The following PHLPP1 variants were observed in gnomAD, a reference collection of about 807,000 sequenced individuals.
PHLPP1 encodes PH domain and leucine rich repeat protein phosphatase 1.
In PHLPP1, 42 loss-of-function variants were observed where a neutral mutation model predicts 117.2. The ratio of observed to expected loss-of-function variants is 0.36; its 90% CI spans 0.28 to 0.46. PHLPP1 has a LOEUF of 0.46. Ranked by LOEUF, PHLPP1 falls within the 20% of genes least tolerant of loss-of-function variation. The probability of loss-of-function intolerance (pLI) is 1.00; values close to 1 mark genes in which losing one functional copy is unlikely to be tolerated. For synonymous variants in PHLPP1, 1,042 were observed against 970.7 expected (o/e 1.07, Z -1.37); for missense variants, 2,084 against 2,241.9 (o/e 0.93, Z 1.42).
intron 1 of PHLPP1, among the ~76,000 whole-genome samples, chr18:62,801,604 C>T (rs985371037): frequency 6.6e-6 from 1 of 151,920 alleles, no homozygotes; most frequent in African/African-American, 2.4e-5. Flanking sequence ...AGGCATGCAC[C>T]ACCATGCCCG....
At chr18:62,764,986 C>G (rs1267952878) in intron 1 of PHLPP1, among the ~76,000 whole-genome samples, 1 of 152,208 alleles carries the variant, frequency 6.6e-6, no homozygotes, top group African/African-American at 2.4e-5. Flanking sequence ...TAGTTTCTCT[C>G]CCACTTGTCT....
chr18:62,829,627 CTG>C (rs1914701131), intron 1 of PHLPP1, among the ~76,000 whole-genome samples: 1 of 152,244 alleles, frequency 6.6e-6, no homozygotes, highest in East Asian at 1.9e-4. Flanking sequence ...TGGCCGGCAC[CTG>C]TAGTCCCAGC....
chr18:62,729,453 T>G (rs1416482169), intron 1 of PHLPP1, among the ~76,000 whole-genome samples: 1 of 152,118 alleles, frequency 6.6e-6, no homozygotes, highest in Non-Finnish European at 1.5e-5. Flanking sequence ...TCCCAGCACT[T>G]TGGGAGGCTG....
At chr18:62,856,447 A>G (rs1209740341) in intron 3 of PHLPP1, among the ~76,000 whole-genome samples, 1 of 152,054 alleles carries the variant, frequency 6.6e-6, no homozygotes, top group African/African-American at 2.4e-5. Flanking sequence ...TACAAATTTG[A>G]GACAGGGTCT....
intron 6 of PHLPP1, among the ~76,000 whole-genome samples, chr18:62,898,013 C>CT (rs780784875): frequency 1.5e-5 from 1 of 68,092 alleles, no homozygotes; most frequent in Non-Finnish European, 4.4e-5. Flanking sequence ...AATTCCTCCT[C>CT]CCTTCTCCTC....
At chr18:62,879,762 C>T (rs897980659) in intron 4 of PHLPP1, among the ~76,000 whole-genome samples, 4 of 152,138 alleles carry the variant, frequency 2.6e-5, no homozygotes, top group African/African-American at 9.7e-5. Context: ...ACACAGATGC[C>T]TGTTTTTCAT....
At chr18:62,877,835 T>G (rs906465623) in intron 4 of PHLPP1, among the ~76,000 whole-genome samples, 1 of 152,240 alleles carries the variant, frequency 6.6e-6, no homozygotes. Context: ...ACCTAATTTA[T>G]GGCAATGATG....
intron 3 of PHLPP1, among the ~76,000 whole-genome samples, chr18:62,845,574 T>C (rs528974604): frequency 6.6e-6 from 1 of 152,324 alleles, no homozygotes; most frequent in East Asian, 1.9e-4. Flanking sequence ...CATTCTAGTA[T>C]AACAAGATTG....
At chr18:62,888,241 A>G (rs1351091767) in intron 4 of PHLPP1, among the ~76,000 whole-genome samples, 1 of 151,752 alleles carries the variant, frequency 6.6e-6, no homozygotes, top group Non-Finnish European at 1.5e-5. Context: ...CAACGGTAGC[A>G]CTGAAATATT....
intron 1 of PHLPP1, among the ~76,000 whole-genome samples, chr18:62,794,352 G>T (rs1354034128): frequency 2.7e-5 from 4 of 150,184 alleles, no homozygotes; most frequent in Admixed American, 6.6e-5. Context: ...TGTATTTTTT[G>T]TTGAGAGTTT....
chr18:62,855,426 C>T (rs1348660830), intron 3 of PHLPP1, among the ~76,000 whole-genome samples: 1 of 152,150 alleles, frequency 6.6e-6, no homozygotes, highest in Admixed American at 6.5e-5. Flanking sequence ...TGGTTCTTAA[C>T]TCTTTGTGAT....
intron 4 of PHLPP1, among the ~76,000 whole-genome samples, chr18:62,865,449 A>G (rs2077709855): frequency 6.6e-6 from 1 of 152,158 alleles, no homozygotes; most frequent in Non-Finnish European, 1.5e-5. Context: ...GGAGCTACCC[A>G]TCATGAACTA....
rs982312291 is a variant in PHLPP1 at position 62,978,107 on chromosome 18, A to G, written c.3985-155A>G. 2.6e-5 allele frequency among the ~76,000 whole-genome samples: 4 copies of G among 151,096 alleles called. No individual in the cohort carries two copies. The highest frequency in any genetic ancestry group is 7.3e-5 in the African/African-American group (3 of 40,972). On this transcript the variant is annotated intron_variant, in intron 16 of 16. Coordinates refer to ENST00000262719, the MANE Select transcript of PHLPP1 (RefSeq NM_194449.4). The surrounding 1 kb of genome is among the most constrained non-coding windows in gnomAD (Gnocchi z 7.0). ...TTCTGATGACAGGTGCACATTAACT[A>G]CTCACTACAGAGTGAGCCCTTCTTT...
intron 12 of PHLPP1, among the ~76,000 whole-genome samples, chr18:62,951,695 AAAT>A (rs1910463375): frequency 6.6e-6 from 1 of 151,950 alleles, no homozygotes; most frequent in Admixed American, 6.6e-5. Flanking sequence ...TTTAATGTAA[AAAT>A]AATGGCTCTT....
In PHLPP1 at chr18:62,727,953, T is replaced by C. The variant is rs372854185; in HGVS notation, c.1576+10694T>C. On this transcript the variant is annotated intron_variant, in intron 1 of 16. Coordinates refer to ENST00000262719, the MANE Select transcript of PHLPP1 (RefSeq NM_194449.4). The stretch of plus-strand genomic sequence containing the variant: ...AGGGGAGGGGGGCTGGAATATAAAA[T>C]ATTGCTTCTATGTGTATTTTTCACC... Among the ~76,000 whole-genome samples the C allele has an allele frequency of 2.4e-4, 36 of 152,190 alleles. 2 individuals carry two copies. In the East Asian group the frequency reaches 5.8e-3, roughly 25 times the overall value.
At chr18:62,804,179 G>T (rs760718549) in intron 1 of PHLPP1, among the ~76,000 whole-genome samples, 3 of 152,140 alleles carry the variant, frequency 2.0e-5, no homozygotes, top group Non-Finnish European at 4.4e-5. Flanking sequence ...GAACAGGGAA[G>T]AGCCCCTTAT....
rs559451338 is a variant in PHLPP1 at position 62,955,785 on chromosome 18, C to T, written c.3325-2844C>T. 6.6e-5 allele frequency among the ~76,000 whole-genome samples: 10 copies of T among 152,084 alleles called. No individual in the cohort carries two copies. In the East Asian group the frequency reaches 1.7e-3, roughly 26 times the overall value. ...CTGCAGAATGCCTTTAATCTTTGAC[C>T]AAAGGCATTTTCTGACCCCTGAATT... On this transcript the variant is annotated intron_variant, in intron 12 of 16. Transcript: ENST00000262719.
intron 10 of PHLPP1, among the ~76,000 whole-genome samples, chr18:62,934,118 A>G (rs1909900497): frequency 6.6e-6 from 1 of 152,192 alleles, no homozygotes; most frequent in Admixed American, 6.5e-5. Flanking sequence ...CATTGTTGGT[A>G]GGAATGTGAA....
chr18:62,825,797 A>G (rs1914597539), intron 1 of PHLPP1, among the ~76,000 whole-genome samples: 1 of 152,178 alleles, frequency 6.6e-6, no homozygotes, highest in South Asian at 2.1e-4. Context: ...ACCTATCACT[A>G]TAATACTCAG....
Sources: gnomAD v4.1 joint callset for allele counts (sites outside exome capture counted in the v4.1 genomes callset) on GRCh38, gnomAD v4.1.1 for gene constraint, Gnocchi (gnomAD v3.1) non-coding constraint, MANE v1.5 for transcripts, NCBI Gene and HGNC (gene_info 2026-07-23, HGNC 2026-07-21) for gene names.